MED12L: variants seen among roughly 807,000 people sequenced by gnomAD.
MED12L encodes mediator of RNA polymerase II transcription subunit 12-like protein.
Under a neutral mutation model 281.3 loss-of-function variants are expected in MED12L, and 60 were observed. The ratio of observed to expected loss-of-function variants is 0.21; its 90% confidence interval spans 0.17 to 0.26. MED12L has a LOEUF of 0.26. Ranked by LOEUF, MED12L falls within the 10% of genes least tolerant of loss-of-function variation. MED12L has a pLI of 1.00. For synonymous variants in MED12L, 974 were observed against 987.2 expected (o/e 0.99, Z 0.25); for missense variants, 2,146 against 2,680.9 (o/e 0.80, Z 4.41).
At chr3:151,369,924 A>G (rs1338239721) in intron 26 of MED12L, among the ~76,000 whole-genome samples, 1 of 152,156 alleles carries the variant, frequency 6.6e-6, no homozygotes, top group Non-Finnish European at 1.5e-5. Context: ...TTTTATCCAG[A>G]TTATATTTCA....
chr3:151,156,093 G>T, intron 5 of MED12L, 68 bp from the exon 6 acceptor site: 2 of 1,326,570 alleles, frequency 1.5e-6, no homozygotes, highest in South Asian at 2.8e-5. Context: ...TCAGAATGGG[G>T]AAGAAAACAT....
At chr3:151,141,650 A>C (rs1255782406) in intron 5 of MED12L, among the ~76,000 whole-genome samples, 1 of 152,232 alleles carries the variant, frequency 6.6e-6, no homozygotes, top group Non-Finnish European at 1.5e-5. Flanking sequence ...TCTAGCCTTT[A>C]AGTAAGAATT....
intron 5 of MED12L, among the ~76,000 whole-genome samples, chr3:151,137,286 A>T (rs972447617): frequency 1.3e-4 from 20 of 152,176 alleles, no homozygotes; most frequent in Admixed American, 9.8e-4. Flanking sequence ...ATTTCGTGTT[A>T]AAATTGCCCC....
chr3:151,300,332 G>A lies in MED12L; in HGVS notation c.2251-49727G>A, dbSNP rs966467720. The A allele has an allele frequency of 6.9e-6, 4 of 582,120 alleles. No homozygotes were observed. In the African/African-American group the frequency reaches 7.5e-5, roughly 11 times the overall value. 36.1% of individuals were successfully genotyped at this position (582,120 alleles called of 1,614,324 possible). A position where few individuals can be genotyped will look rare whatever the true frequency, so the allele number is the denominator to read the frequency against. On this transcript the variant is annotated intron_variant, in intron 16 of 44. Coordinates refer to ENST00000687756, the MANE Select transcript of MED12L (RefSeq NM_001393769.1). ...GTGCTCTTTGGAGATGAACACCTGG[G>A]CCACACAGAGTTGCCCTCTTTCATA...
intron 11 of MED12L, among the ~76,000 whole-genome samples, chr3:151,178,762 A>G (rs1238123214): frequency 6.6e-6 from 1 of 152,150 alleles, no homozygotes; most frequent in Non-Finnish European, 1.5e-5. Flanking sequence ...ATTTATTGCA[A>G]TGTCTGACTG....
rs143889620 is a variant in MED12L at position 151,232,884 on chromosome 3, G to A, written c.2250+39218G>A. 7.4e-4 allele frequency among the ~76,000 whole-genome samples: 112 copies of A among 152,222 alleles called. 1 individual carries two copies. The highest frequency in any genetic ancestry group is 2.5e-3 in the African/African-American group (105 of 41,542). On this transcript the variant is annotated intron_variant, in intron 16 of 44. Transcript: ENST00000687756. ...TCTGCAACAAATCCCTGTGGCATGAGTTTACCTATATAACCTTCAGATGTA... is the reference window on the plus strand; with the variant it reads ...TCTGCAACAAATCCCTGTGGCATGAATTTACCTATATAACCTTCAGATGTA...
At chr3:151,341,371 G>A (rs1751799679) in intron 16 of MED12L, among the ~76,000 whole-genome samples, 1 of 151,956 alleles carries the variant, frequency 6.6e-6, no homozygotes, top group Non-Finnish European at 1.5e-5. Context: ...TGTCGTTCAT[G>A]CTTTTCTTGA....
Position 151,263,489 on chromosome 3 carries a change from C to T in MED12L, c.2250+69823C>T, listed in dbSNP as rs756267428. On this transcript the variant is annotated intron_variant, in intron 16 of 44. Coordinates refer to ENST00000687756, the MANE Select transcript of MED12L (RefSeq NM_001393769.1). ...CATTTGTTTGTAAAGTTGTTTTGTT[C>T]TTTGATTTTGAGTTTAATGCCAACT... is the stretch of plus-strand genomic sequence containing the variant. Among the ~76,000 whole-genome samples, 31 of 152,118 alleles carry T rather than the reference C, an allele frequency of 2.0e-4. 1 individual carries two copies. Among genetic ancestry groups the T allele is most frequent in the Admixed American group, 1.6e-3 (25 of 15,286 alleles).
intron 16 of MED12L, chr3:151,336,462 T>C: frequency 2.2e-6 from 1 of 454,220 alleles, no homozygotes; most frequent in Non-Finnish European, 4.4e-6. Context: ...TCAGTGAACT[T>C]TATACAACAA....
chr3:151,119,104 A>G (rs535770771), intron 3 of MED12L, among the ~76,000 whole-genome samples: 1 of 152,328 alleles, frequency 6.6e-6, no homozygotes, highest in Admixed American at 6.5e-5. Context: ...GCTAGATAAC[A>G]TTCGATGATG....
At chr3:151,163,763 A>G (rs150226820) in intron 8 of MED12L, 130 bp from the exon 9 acceptor site, 156 of 855,944 alleles carry the variant, frequency 1.8e-4, no homozygotes, top group Non-Finnish European at 2.5e-4. Context: ...GGGGTAAGAC[A>G]CTCTCGTATT....
At chr3:151,266,876 A>G (rs544508957) in intron 16 of MED12L, among the ~76,000 whole-genome samples, 1 of 152,322 alleles carries the variant, frequency 6.6e-6, no homozygotes, top group East Asian at 1.9e-4. Context: ...CATGCCCAGC[A>G]TGTTGTAGGA....
chr3:151,190,887 A>C lies in MED12L; in HGVS notation c.1924A>C (p.Asn642His). The C allele has an allele frequency of 6.2e-7, 1 of 1,614,184 alleles. No individual in the cohort carries two copies. The highest frequency in any genetic ancestry group is 8.5e-7 in the Non-Finnish European group (1 of 1,180,036). Reference protein sequence around the residue: ...STRPRSPVGENADEHYSKDHD... With the variant: ...STRPRSPVGEHADEHYSKDHD... ...TCGGCCGCGGTCACCAGTAGGGGAA[A>C]ATGCAGATGAACACTATTCAAAGGA... The change falls in exon 14 of 45, where the codon AAT (asparagine) becomes CAT (histidine). Residue 642 changes from asparagine (N) to histidine (H), a missense_variant. By Grantham distance (68) the Asn-to-His change is moderately conservative (BLOSUM62 1). This residue lies in a region of MED12L where 722 missense variants were observed against 861.2 expected (regional missense o/e 0.84). Transcript: ENST00000687756.
chr3:151,329,411 A>G (rs527427099), intron 16 of MED12L: 2 of 945,106 alleles, frequency 2.1e-6, no homozygotes, highest in Non-Finnish European at 3.2e-6. Context: ...ACTTTAAAGC[A>G]CCTTTTTTCC....
In MED12L at chr3:151,192,619, A is replaced by T; in HGVS notation, c.2038A>T (p.Ser680Cys). ...TTNIFDEVDK[S>C]DFKTDFGSEF... The stretch of plus-strand genomic sequence containing the variant: ...TAACATTTTTGATGAAGTAGACAAG[A>T]GTGACTTTAAAACTGACTTTGGTTC... The change falls in exon 15 of 45, where the codon AGT becomes TGT. Residue 680 changes from serine to cysteine, a missense_variant. Around this residue, in one of 9 missense-constraint regions of MED12L, gnomAD observed 722 missense variants for 861.2 expected, o/e 0.84. Coordinates refer to ENST00000687756, the MANE Select transcript of MED12L (RefSeq NM_001393769.1). 6.5e-7 allele frequency: 1 copy of T among 1,536,344 alleles called. No individual in the cohort carries two copies. Among genetic ancestry groups the T allele is most frequent in the Non-Finnish European group, 8.7e-7 (1 of 1,146,788 alleles).
At chr3:151,094,253 C>T (rs1720438052) in intron 2 of MED12L, among the ~76,000 whole-genome samples, 1 of 152,202 alleles carries the variant, frequency 6.6e-6, no homozygotes, top group Non-Finnish European at 1.5e-5. Flanking sequence ...AGCTCTCCTC[C>T]CATGAGGTTC....
chr3:151,118,023 G>A (rs147281063), intron 3 of MED12L, among the ~76,000 whole-genome samples: 2,962 of 150,458 alleles, frequency 0.02, 98 homozygotes, highest in East Asian at 0.16. Flanking sequence ...CCCAGGAGGC[G>A]GAGGTTGCAG....
intron 16 of MED12L, among the ~76,000 whole-genome samples, chr3:151,297,028 TC>T (rs1745196572): frequency 6.6e-6 from 1 of 152,150 alleles, no homozygotes; most frequent in African/African-American, 2.4e-5. Flanking sequence ...CCTAATTCTT[TC>T]CCTTTTATTC....
chr3:151,387,973 C>G lies in MED12L; in HGVS notation c.5252C>G (p.Pro1751Arg). 2 of 1,614,068 alleles carry G rather than the reference C, an allele frequency of 1.2e-6. No homozygotes were observed. The highest frequency in any genetic ancestry group is 1.7e-6 in the Non-Finnish European group (2 of 1,180,000). The part of the protein sequence containing the change: ...QHHLLLYHTH[P>R]MPKPRSYYLQ... ...CACCTCCTGCTGTATCACACACACC[C>G]CATGCCCAAGCCCCGCAGTTACTAC... The change falls in exon 37 of 45, where the codon CCC (proline) becomes CGC (arginine). Residue 1751 changes from proline to arginine, a missense_variant. Physicochemically the swap from Pro to Arg is moderately radical, Grantham distance 103. This residue lies in a region of MED12L where 496 missense variants were observed against 512.0 expected (regional missense o/e 0.97). Coordinates refer to ENST00000687756, the MANE Select transcript of MED12L (RefSeq NM_001393769.1).
Sources: gnomAD v4.1 joint callset for allele counts (sites outside exome capture counted in the v4.1 genomes callset) on GRCh38, gnomAD v4.1.1 for gene constraint, gnomAD v4.1.1 regional missense constraint, MANE v1.5 for transcripts, NCBI Gene and HGNC (gene_info 2026-07-23, HGNC 2026-07-21) for gene names.